Variants in CD163L1 observed in about 807,000 individuals in gnomAD.
The protein encoded by CD163L1 is CD163 molecule like 1, also known as scavenger receptor cysteine-rich type 1 protein M160.
CD163L1 carries 124 observed loss-of-function variants against 165.4 expected under a neutral mutation model. That is an observed-to-expected ratio of 0.75 (90% CI 0.65 to 0.87). CD163L1 has a LOEUF of 0.87. Ranked by LOEUF, CD163L1 falls within the 40% of genes least tolerant of loss-of-function variation. The pLI is 0.00. For synonymous variants in CD163L1, 585 were observed against 662.2 expected, an observed-to-expected ratio of 0.88 and a Z score of 1.79; for missense variants, 1,525 against 1,799.9, an observed-to-expected ratio of 0.85 and a Z score of 2.76.
At chr12:7,402,873 T>A (rs1591930596) in intron 6 of CD163L1, among the ~76,000 whole-genome samples, 1 of 152,180 alleles carries the variant, frequency 6.6e-6, no homozygotes, top group African/African-American at 2.4e-5. Flanking sequence ...CCTCAAGTGA[T>A]CTTCCTGTGG....
chr12:7,417,318 T>C (rs1171897499), intron 4 of CD163L1, among the ~76,000 whole-genome samples: 2 of 152,190 alleles, frequency 1.3e-5, no homozygotes, highest in Non-Finnish European at 2.9e-5. Flanking sequence ...GATTTTGGGC[T>C]GAGATGATGG....
At chr12:7,376,868 T>C (rs1483550892) in intron 9 of CD163L1, among the ~76,000 whole-genome samples, 1 of 152,208 alleles carries the variant, frequency 6.6e-6, no homozygotes, top group Non-Finnish European at 1.5e-5. Flanking sequence ...CCTGTTTCTA[T>C]AATTATTCCT....
chr12:7,335,650 T>A, the CD163L1 span, among the ~76,000 whole-genome samples: 2 of 152,114 alleles, frequency 1.3e-5, no homozygotes, highest in South Asian at 2.1e-4. Flanking sequence ...AAGGCAAAAT[T>A]GACAAATGGG....
At chr12:7,354,023 G>GA (rs965676003), downstream of CD163L1, among the ~76,000 whole-genome samples, 1 of 152,008 alleles carries the variant, frequency 6.6e-6, no homozygotes, top group African/African-American at 2.4e-5. Flanking sequence ...CTCTTGAGAA[G>GA]AAGCCTTCAA....
rs200460248 is a variant in CD163L1, at chr12:7,403,684, C to T, written c.1259G>A (p.Arg420His). Residue 420 changes from arginine to histidine, a missense_variant, in exon 6 of 20, where the codon CGT becomes CAT. By Grantham distance (29) the Arg-to-His change is conservative (BLOSUM62 0). Coordinates refer to ENST00000313599, the MANE Select transcript of CD163L1 (RefSeq NM_174941.6). ...LGCPFSVFGS[R>H]RAKPSNEARD... Reference sequence around the variant, plus strand: ...AGCTTCATTACTAGGTTTAGCACGACGACTGCCAAAGACGCTGAACGGACA... The same window carrying T: ...AGCTTCATTACTAGGTTTAGCACGATGACTGCCAAAGACGCTGAACGGACA... 2.5e-5 allele frequency: 40 copies of T among 1,614,042 alleles called. No homozygotes were observed. The highest frequency in any genetic ancestry group is 1.7e-4 in the Middle Eastern group (1 of 6,060).
At chr12:7,326,307 C>T in the CD163L1 span, among the ~76,000 whole-genome samples, 1 of 152,082 alleles carries the variant, frequency 6.6e-6, no homozygotes, top group African/African-American at 2.4e-5. Context: ...TGGGCTCAGT[C>T]GATCCTCCTG....
chr12:7,396,492 T>C (rs1485656566), intron 7 of CD163L1, 77 bp from the exon 8 acceptor site: 6 of 1,382,530 alleles, frequency 4.3e-6, no homozygotes, highest in Non-Finnish European at 5.8e-6. Flanking sequence ...TGGACTATGA[T>C]ACCCAGTTAT....
intron 8 of CD163L1, among the ~76,000 whole-genome samples, chr12:7,387,935 G>A (rs561651648): frequency 3.9e-5 from 6 of 152,124 alleles, no homozygotes; most frequent in Non-Finnish European, 7.4e-5. Context: ...ACAGACACAT[G>A]GACAAATTAA....
chr12:7,402,724 T>C (rs1233898538), intron 6 of CD163L1, among the ~76,000 whole-genome samples: 1 of 151,900 alleles, frequency 6.6e-6, no homozygotes, highest in Non-Finnish European at 1.5e-5. Flanking sequence ...CAGCCTCGAA[T>C]TTCTGGGATC....
chr12:7,444,045 A>G, intron 1 of CD163L1, 52 bp downstream of exon 1: 1 of 1,537,162 alleles, frequency 6.5e-7, no homozygotes, highest in East Asian at 2.2e-5. Flanking sequence ...ACATATTCTT[A>G]GTATACCCAC....
chr12:7,380,825 T>C (rs1947391703), intron 8 of CD163L1, among the ~76,000 whole-genome samples: 1 of 152,226 alleles, frequency 6.6e-6, no homozygotes, highest in East Asian at 1.9e-4. Context: ...AAATCAGAAA[T>C]TAATTCTGAG....
intron 5 of CD163L1, among the ~76,000 whole-genome samples, chr12:7,404,946 T>G (rs1444564988): frequency 1.3e-5 from 2 of 152,092 alleles, no homozygotes; most frequent in Non-Finnish European, 2.9e-5. Context: ...GATTTTAAAC[T>G]GTGAAACTGT....
downstream of CD163L1, among the ~76,000 whole-genome samples, chr12:7,345,775 C>A (rs1218726889): frequency 6.6e-6 from 1 of 152,174 alleles, no homozygotes; most frequent in Admixed American, 6.5e-5. Context: ...ACTGTACAGG[C>A]AGCATGGTGC....
intron 17 of CD163L1, 169 bp downstream of exon 17, chr12:7,367,918 T>G (rs1947056624): frequency 1.8e-6 from 1 of 559,704 alleles, no homozygotes; most frequent in African/African-American, 1.9e-5. Context: ...AAATTGTGGA[T>G]TGGCTGATTC....
downstream of CD163L1, among the ~76,000 whole-genome samples, chr12:7,343,532 G>A (rs1946650404): frequency 6.6e-6 from 1 of 152,120 alleles, no homozygotes; most frequent in African/African-American, 2.4e-5. Flanking sequence ...GAAGGCAAAG[G>A]GAGAGCCAGC....
chr12:7,340,353 G>A, the CD163L1 span, among the ~76,000 whole-genome samples: 1 of 151,922 alleles, frequency 6.6e-6, no homozygotes, highest in African/African-American at 2.4e-5. Context: ...TTGGGTTGTC[G>A]CCTCCCCACC....
chr12:7,359,917 T>C (rs956839000), intron 18 of CD163L1, among the ~76,000 whole-genome samples: 2 of 152,178 alleles, frequency 1.3e-5, no homozygotes, highest in Non-Finnish European at 2.9e-5. Context: ...TGTGTCACTT[T>C]TGTCTCCTTG....
At position 7,406,568 on chromosome 12, in the gene CD163L1, A is replaced by G. The variant is rs1199727602; in HGVS notation, c.1051T>C (p.Cys351Arg). 18 of 1,613,986 alleles carry G rather than the reference A, an allele frequency of 1.1e-5. No individual in the cohort carries two copies. The Admixed American group carries it at 3.0e-4, about 27-fold the overall frequency. The change falls in exon 5 of 20, where the codon TGT becomes CGT. Residue 351 changes from cysteine to arginine, a missense_variant. Coordinates refer to ENST00000313599, the MANE Select transcript of CD163L1 (RefSeq NM_174941.6). ...ACAGACACATCGTTTTGATGAAGAC[A>G]GTCAAAATTGACGGTTCCGGAATGT... is the stretch of plus-strand genomic sequence containing the variant. ...CRHSGTVNFD[C>R]LHQNDVSVIC...
chr12:7,419,856 A>C (rs1948315222), intron 4 of CD163L1, among the ~76,000 whole-genome samples: 1 of 152,166 alleles, frequency 6.6e-6, no homozygotes, highest in Non-Finnish European at 1.5e-5. Flanking sequence ...AACTAGAAAA[A>C]ACAATCCTAG....
Sources: allele counts gnomAD v4.1 joint callset (sites outside exome capture counted in the v4.1 genomes callset), GRCh38; gene constraint gnomAD v4.1.1; transcripts MANE v1.5; gene names NCBI Gene and HGNC (gene_info 2026-07-23, HGNC 2026-07-21).